CILK1: variants seen among roughly 807,000 people sequenced by gnomAD.
CILK1 encodes serine/threonine-protein kinase ICK.
Under a neutral mutation model 79.2 loss-of-function variants are expected in CILK1, and 47 were observed. That is an observed-to-expected ratio of 0.59 (90% CI 0.47 to 0.76). CILK1 has a LOEUF of 0.76. Ranked by LOEUF, CILK1 falls within the 30% of genes least tolerant of loss-of-function variation. The probability of loss-of-function intolerance (pLI) is 0.00; values close to 1 mark genes in which losing one functional copy is unlikely to be tolerated. For missense variants in CILK1, 660 were observed against 769.5 expected (o/e 0.86, Z 1.68); for synonymous variants, 266 against 275.9 (o/e 0.96, Z 0.36).
intron 11 of CILK1, 48 bp downstream of exon 11, chr6:53,011,721 C>T (rs373510096): frequency 5.8e-6 from 9 of 1,562,452 alleles, no homozygotes; most frequent in Non-Finnish European, 7.9e-6. Context: ...ATTCCAAGGA[C>T]AGGGTTTCTT....
rs1424754146 is a variant in CILK1, at chr6:53,002,000, T to C, written c.*3149A>G. 6.6e-6 allele frequency: 1 copy of C among 152,654 alleles called. No individual in the cohort carries two copies. Among genetic ancestry groups the C allele is most frequent in the Non-Finnish European group, 1.5e-5 (1 of 68,044 alleles). The allele number at this position is 152,654 out of a possible 1,614,324, so 9.5% of individuals were successfully genotyped here. A position where few individuals can be genotyped will look rare whatever the true frequency, so the allele number is the denominator to read the frequency against. The stretch of plus-strand genomic sequence containing the variant: ...AAAATAAAATAATTCTTGTGTTGTC[T>C]TGATTGTATACAATTTTTGATAACT... On this transcript the variant is annotated 3_prime_UTR_variant, in exon 14 of 14. Transcript: ENST00000676107.
chr6:53,043,810 T>C (rs956796363), intron 1 of CILK1, among the ~76,000 whole-genome samples: 3 of 19,764 alleles, frequency 1.5e-4, no homozygotes, highest in Non-Finnish European at 3.0e-4. Context: ...CAAACTAAGA[T>C]ATTTCAAGTA....
rs530270107 is a variant in CILK1, at chr6:53,019,808, C to A, written c.359-449G>T. On this transcript the variant is annotated intron_variant, in intron 5 of 13. Coordinates refer to ENST00000676107, the MANE Select transcript of CILK1 (RefSeq NM_014920.5). ...AAGTAGCTGGGACTACTGGCACAAA[C>A]CATGGTGCCTGGCTAGTTTTTTTGT... Among the ~76,000 whole-genome samples the A allele has an allele frequency of 1.6e-4, 24 of 151,762 alleles. 1 individual carries two copies. Among genetic ancestry groups the A allele is most frequent in the African/African-American group, 5.6e-4 (23 of 41,322 alleles).
At chr6:53,019,088 A>AT in intron 6 of CILK1, 139 bp downstream of exon 6, 1 of 784,266 alleles carries the variant, frequency 1.3e-6, no homozygotes, top group Non-Finnish European at 2.1e-6. Context: ...CATTACCAAC[A>AT]TATCTATAAA....
chr6:53,015,842 G>A (rs1764857903), intron 8 of CILK1, among the ~76,000 whole-genome samples: 1 of 152,106 alleles, frequency 6.6e-6, no homozygotes, highest in Admixed American at 6.5e-5. Flanking sequence ...CCATATAAAT[G>A]GTGATATATC....
At chr6:53,021,111 C>T (rs1765208765) in intron 5 of CILK1, among the ~76,000 whole-genome samples, 2 of 152,196 alleles carry the variant, frequency 1.3e-5, no homozygotes, top group African/African-American at 4.8e-5. Context: ...ACTTGAAGGT[C>T]AGGAGTTCGA....
chr6:53,047,728 A>C (rs1767192040), intron 1 of CILK1, among the ~76,000 whole-genome samples: 1 of 152,122 alleles, frequency 6.6e-6, no homozygotes, highest in Non-Finnish European at 1.5e-5. Context: ...GATCAGAGGC[A>C]GAGACTAATT....
chr6:53,051,249 G>C (rs1767462511), intron 1 of CILK1, among the ~76,000 whole-genome samples: 1 of 152,122 alleles, frequency 6.6e-6, no homozygotes, highest in Admixed American at 6.5e-5. Context: ...TTTTAATCCA[G>C]GTATAAATAA....
intron 5 of CILK1, among the ~76,000 whole-genome samples, chr6:53,029,576 C>T (rs1384181490): frequency 6.6e-6 from 1 of 152,154 alleles, no homozygotes; most frequent in Non-Finnish European, 1.5e-5. Context: ...ATCCCAGATG[C>T]ACTATGCCAC....
intron 1 of CILK1, among the ~76,000 whole-genome samples, chr6:53,044,917 A>C (rs1766960692): frequency 6.6e-6 from 1 of 152,172 alleles, no homozygotes; most frequent in African/African-American, 2.4e-5. Context: ...GAAAAAAATA[A>C]ATTTCTGTTA....
At chr6:53,038,535 T>C (rs1448492485) in intron 2 of CILK1, among the ~76,000 whole-genome samples, 1 of 152,226 alleles carries the variant, frequency 6.6e-6, no homozygotes, top group African/African-American at 2.4e-5. Flanking sequence ...CTATGACCCA[T>C]GGGCCAAAAC....
chr6:53,050,047 G>C (rs1027622205), intron 1 of CILK1, among the ~76,000 whole-genome samples: 18 of 152,016 alleles, frequency 1.2e-4, no homozygotes, highest in African/African-American at 4.3e-4. Context: ...CAGGAAAAAA[G>C]GTTTCAGCAC....
chr6:53,055,592 G>A (rs1767799413), intron 1 of CILK1, among the ~76,000 whole-genome samples: 1 of 152,196 alleles, frequency 6.6e-6, no homozygotes, highest in African/African-American at 2.4e-5. Context: ...GTTACATGAT[G>A]TGCCTTCTTC....
chr6:53,013,959 T>A lies in CILK1; in HGVS notation c.855A>T (p.Gln285His). 1 of 1,614,042 alleles carries A rather than the reference T, an allele frequency of 6.2e-7. No homozygotes were observed. The highest frequency in any genetic ancestry group is 8.5e-7 in the Non-Finnish European group (1 of 1,179,976). The part of the protein sequence containing the change: ...ASQALRYPYF[Q>H]VGHPLGSTTQ... Reference sequence around the variant, plus strand: ...TGGTGCTGCCTAGTGGGTGTCCAACTTGGAAGTAAGGATATCGAAGTGCCT... The same window carrying A: ...TGGTGCTGCCTAGTGGGTGTCCAACATGGAAGTAAGGATATCGAAGTGCCT... The change falls in exon 9 of 14, where the codon CAA (glutamine) becomes CAT (histidine). Residue 285 changes from glutamine to histidine, a missense_variant. Gln to His is a conservative substitution (Grantham distance 24). Coordinates refer to ENST00000676107, the MANE Select transcript of CILK1 (RefSeq NM_014920.5).
chr6:53,017,198 A>G lies in CILK1; in HGVS notation c.664-948T>C, dbSNP rs73443342. ...AAGAGGTGGCATTAATAATTCATTC[A>G]AATGATTAAAAAATTTTTTTGAGGA... On this transcript the variant is annotated intron_variant, in intron 7 of 13. Transcript: ENST00000676107. 8.3e-3 allele frequency among the ~76,000 whole-genome samples: 1,269 copies of G among 152,354 alleles called. 21 individuals carry two copies. The highest frequency in any genetic ancestry group is 0.028 in the African/African-American group (1,171 of 41,582).
intron 3 of CILK1, 63 bp from the exon 4 acceptor site, chr6:53,032,717 G>C: frequency 7.3e-7 from 1 of 1,368,686 alleles, no homozygotes; most frequent in Non-Finnish European, 1.0e-6. Flanking sequence ...TGTTGAAAAA[G>C]AAAAGTAATC....
intron 7 of CILK1, 134 bp from the exon 8 acceptor site, chr6:53,016,384 C>T (rs1764897233): frequency 1.4e-5 from 11 of 781,538 alleles, no homozygotes; most frequent in Non-Finnish European, 2.4e-5. Flanking sequence ...CCCACATTCA[C>T]TACTGTGGCA....
At chr6:53,032,695 G>A in intron 3 of CILK1, 41 bp from the exon 4 acceptor site, 2 of 1,523,488 alleles carry the variant, frequency 1.3e-6, no homozygotes, top group South Asian at 1.2e-5. Context: ...ACAAATATTA[G>A]AGAAAATCTG....
intron 1 of CILK1, among the ~76,000 whole-genome samples, chr6:53,059,912 T>A (rs922242701): frequency 1.3e-5 from 2 of 152,080 alleles, no homozygotes; most frequent in Non-Finnish European, 1.5e-5. Context: ...TTACTAAGAG[T>A]CAGGCTTGGG....
Sources: allele counts gnomAD v4.1 joint callset (sites outside exome capture counted in the v4.1 genomes callset), GRCh38; gene constraint gnomAD v4.1.1; transcripts MANE v1.5; gene names NCBI Gene and HGNC (gene_info 2026-07-23, HGNC 2026-07-21).